MEGF10: variants seen among roughly 807,000 people sequenced by gnomAD.
MEGF10 encodes the protein multiple epidermal growth factor-like domains protein 10.
MEGF10 carries 86 observed loss-of-function variants against 147.5 expected under a neutral mutation model. That is an observed-to-expected ratio of 0.58 (90% CI 0.49 to 0.70). The LOEUF (loss-of-function observed/expected upper bound fraction) is 0.70, where lower values mean the gene tolerates loss of function less well. MEGF10 is among the 30% of genes least tolerant of loss of function. The pLI, the probability that MEGF10 is intolerant of heterozygous loss-of-function variation, is 0.00. For missense variants in MEGF10, 1,329 were observed against 1,487.3 expected, an observed-to-expected ratio of 0.89 and a Z score of 1.75; for synonymous variants, 478 against 525.5, an observed-to-expected ratio of 0.91 and a Z score of 1.24.
intron 5 of MEGF10, among the ~76,000 whole-genome samples, chr5:127,392,572 T>C (rs1196349659): frequency 6.6e-6 from 1 of 152,224 alleles, no homozygotes; most frequent in Non-Finnish European, 1.5e-5. Flanking sequence ...GGAAAGCCGC[T>C]AGAAGCCTGT....
At chr5:127,374,520 A>C (rs999745586) in intron 5 of MEGF10, among the ~76,000 whole-genome samples, 37 of 149,640 alleles carry the variant, frequency 2.5e-4, no homozygotes, top group African/African-American at 7.7e-4. Flanking sequence ...CATAAAAAAA[A>C]CCCCTGTATT....
At chr5:127,340,117 T>C (rs1218824580) in intron 3 of MEGF10, among the ~76,000 whole-genome samples, 1 of 152,186 alleles carries the variant, frequency 6.6e-6, no homozygotes, top group African/African-American at 2.4e-5. Context: ...ACATGCTATG[T>C]AAGTGAATCA....
At chr5:127,395,320 C>G (rs1763860795) in intron 5 of MEGF10, among the ~76,000 whole-genome samples, 1 of 152,026 alleles carries the variant, frequency 6.6e-6, no homozygotes, top group South Asian at 2.1e-4. Flanking sequence ...TGGAACTGCA[C>G]TTTAAATATA....
At chr5:127,435,652 T>C (rs868136560) in intron 16 of MEGF10, among the ~76,000 whole-genome samples, 163 bp downstream of exon 16, 8 of 152,016 alleles carry the variant, frequency 5.3e-5, no homozygotes, top group Middle Eastern at 3.4e-3. Context: ...TTTTTTTTTT[T>C]CCCATTACGA....
the MEGF10 span, among the ~76,000 whole-genome samples, chr5:127,266,802 C>T: frequency 6.6e-6 from 1 of 152,184 alleles, no homozygotes; most frequent in African/African-American, 2.4e-5. Context: ...AGTTGCTTAT[C>T]AGCTTAAGGA....
intron 21 of MEGF10, among the ~76,000 whole-genome samples, chr5:127,448,110 C>T (rs958102792): frequency 6.6e-6 from 1 of 152,106 alleles, no homozygotes; most frequent in Non-Finnish European, 1.5e-5. Flanking sequence ...CTCTTCTGAC[C>T]GCCCGTCCTC....
intron 7 of MEGF10, among the ~76,000 whole-genome samples, chr5:127,399,232 G>T (rs1463927422): frequency 1.3e-5 from 2 of 152,138 alleles, no homozygotes; most frequent in Non-Finnish European, 2.9e-5. Context: ...ATAGAAATCT[G>T]GGGATACATT....
chr5:127,265,129 C>T, the MEGF10 span, among the ~76,000 whole-genome samples: 1 of 152,180 alleles, frequency 6.6e-6, no homozygotes, highest in Non-Finnish European at 1.5e-5. Context: ...CAAGTGTTCT[C>T]ATTGTTCAGT....
chr5:127,240,531 A>G, the MEGF10 span, among the ~76,000 whole-genome samples: 2 of 152,168 alleles, frequency 1.3e-5, no homozygotes, highest in Non-Finnish European at 2.9e-5. Context: ...CTTATCTTCA[A>G]AAGGACAGGT....
rs528435787 is a variant in MEGF10 at position 127,381,544 on chromosome 5, G to T, written c.412+11542G>T. 3.6e-3 allele frequency among the ~76,000 whole-genome samples: 547 copies of T among 152,330 alleles called. 1 individual carries two copies. Among genetic ancestry groups the T allele is most frequent in the African/African-American group, 0.012 (516 of 41,572 alleles). On this transcript the variant is annotated intron_variant, in intron 5 of 24. Coordinates refer to ENST00000503335, the MANE Select transcript of MEGF10 (RefSeq NM_001256545.2). ...TTGTTTCCCTCTCCTACTGTCTTGG[G>T]CTACTGCCCGATTCTAATAGAGCCA...
chr5:127,288,749 A>G (rs776931486), upstream of MEGF10, among the ~76,000 whole-genome samples: 3 of 152,228 alleles, frequency 2.0e-5, no homozygotes, highest in Non-Finnish European at 4.4e-5. Context: ...ATAATAATGT[A>G]TGTCCACAAA....
At chr5:127,234,034 A>G in the MEGF10 span, among the ~76,000 whole-genome samples, 1 of 152,220 alleles carries the variant, frequency 6.6e-6, no homozygotes, top group Non-Finnish European at 1.5e-5. Context: ...AAGTGACTTA[A>G]AAAATTAGGG....
intron 4 of MEGF10, among the ~76,000 whole-genome samples, chr5:127,349,388 T>C (rs1268018084): frequency 6.6e-6 from 1 of 152,186 alleles, no homozygotes; most frequent in African/African-American, 2.4e-5. Context: ...TTAACTATTT[T>C]TAAGTGTACC....
intron 13 of MEGF10, 59 bp downstream of exon 13, chr5:127,422,831 G>C (rs988789489): frequency 1.5e-5 from 19 of 1,233,958 alleles, no homozygotes; most frequent in Non-Finnish European, 2.1e-5. Context: ...ACCTAGTGCT[G>C]TTCCTTATCA....
chr5:127,401,640 A>T (rs1764137656), intron 7 of MEGF10, among the ~76,000 whole-genome samples: 1 of 152,190 alleles, frequency 6.6e-6, no homozygotes, highest in African/African-American at 2.4e-5. Context: ...ACATTAGAAA[A>T]ATCCCTGTTA....
the MEGF10 span, among the ~76,000 whole-genome samples, chr5:127,250,699 A>G: frequency 6.6e-6 from 1 of 152,044 alleles, no homozygotes; most frequent in Non-Finnish European, 1.5e-5. Flanking sequence ...GAATAACATG[A>G]CACATAAATA....
At chr5:127,279,122 A>G in the MEGF10 span, among the ~76,000 whole-genome samples, 2 of 152,176 alleles carry the variant, frequency 1.3e-5, no homozygotes, top group Non-Finnish European at 2.9e-5. Flanking sequence ...GAAGTAAATT[A>G]CCATGATGAC....
In MEGF10 at chr5:127,408,588, C is replaced by T. The variant is rs1035681119; in HGVS notation, c.918-1801C>T. On this transcript the variant is annotated intron_variant, in intron 8 of 24. Coordinates refer to ENST00000503335, the MANE Select transcript of MEGF10 (RefSeq NM_001256545.2). ...GGTGTACCCATGTATAACTTTTAGG[C>T]ACACGTTTTATTTTATGCTGAGTAT... Among the ~76,000 whole-genome samples, 8 of 152,184 alleles carry T rather than the reference C, an allele frequency of 5.3e-5. No individual in the cohort carries two copies. In the East Asian group the frequency reaches 5.8e-4, roughly 11 times the overall value.
chr5:127,393,810 G>GTT (rs11414651), intron 5 of MEGF10, among the ~76,000 whole-genome samples: 11 of 147,676 alleles, frequency 7.4e-5, no homozygotes, highest in Non-Finnish European at 7.5e-5. Flanking sequence ...TATCTTCAAA[G>GTT]TTTTTTTTTT....
Sources: gnomAD v4.1 joint callset for allele counts (sites outside exome capture counted in the v4.1 genomes callset) on GRCh38, gnomAD v4.1.1 for gene constraint, MANE v1.5 for transcripts, NCBI Gene and HGNC (gene_info 2026-07-23, HGNC 2026-07-21) for gene names.